Variants in FAR2 observed in about 807,000 individuals in gnomAD.
FAR2 encodes epididymis secretory protein Li 81.
A neutral mutation model predicts 56.0 loss-of-function variants in FAR2; 19 were observed. That is an observed-to-expected ratio of 0.34 (90% CI 0.24 to 0.50). The LOEUF (loss-of-function observed/expected upper bound fraction) is 0.50, where lower values mean the gene tolerates loss of function less well. Among genes scored for constraint, FAR2 ranks in the 20% least tolerant of loss-of-function variants. The pLI is 0.98. For synonymous variants in FAR2, 219 were observed against 218.8 expected, an observed-to-expected ratio of 1.00 and a Z score of -0.01; for missense variants, 508 against 642.2, an observed-to-expected ratio of 0.79 and a Z score of 2.26.
intron 1 of FAR2, among the ~76,000 whole-genome samples, chr12:29,259,646 A>T (rs1382939780): frequency 1.3e-5 from 2 of 152,132 alleles, no homozygotes; most frequent in African/African-American, 4.8e-5. Context: ...AGGAGACAAA[A>T]CTCTCTCTAT....
chr12:29,285,716 C>T (rs1282190454), intron 2 of FAR2, among the ~76,000 whole-genome samples: 2 of 152,084 alleles, frequency 1.3e-5, no homozygotes, highest in Admixed American at 1.3e-4. Context: ...GTGAGGAGAT[C>T]GAGACCATTC....
chr12:29,281,959 C>G (rs556645389), intron 2 of FAR2, among the ~76,000 whole-genome samples: 2 of 152,258 alleles, frequency 1.3e-5, no homozygotes, highest in African/African-American at 4.8e-5. Flanking sequence ...ATCTAAAACT[C>G]TTTCACCCTC....
chr12:29,219,612 A>C (rs1947661721), intron 1 of FAR2, among the ~76,000 whole-genome samples: 1 of 152,186 alleles, frequency 6.6e-6, no homozygotes, highest in South Asian at 2.1e-4. Flanking sequence ...AATGTGTTTT[A>C]ACTCTGAGTA....
chr12:29,269,199 T>G (rs921437040), intron 1 of FAR2, among the ~76,000 whole-genome samples: 1 of 152,102 alleles, frequency 6.6e-6, no homozygotes, highest in African/African-American at 2.4e-5. Context: ...AAAAGACAGG[T>G]GCACCTTGGG....
intron 10 of FAR2, among the ~76,000 whole-genome samples, chr12:29,325,376 A>C (rs1949627842): frequency 6.6e-6 from 1 of 151,990 alleles, no homozygotes; most frequent in South Asian, 2.1e-4. Context: ...CCAGGAATTG[A>C]ACTCAGCTCT....
chr12:29,217,088 A>G (rs1947630118), intron 1 of FAR2, among the ~76,000 whole-genome samples: 2 of 152,220 alleles, frequency 1.3e-5, no homozygotes, highest in African/African-American at 4.8e-5. Context: ...GTTAAAATGT[A>G]GGAGATTAGG....
At chr12:29,195,771 A>G (rs1950138769) in intron 1 of FAR2, among the ~76,000 whole-genome samples, 1 of 152,270 alleles carries the variant, frequency 6.6e-6, no homozygotes, top group Admixed American at 6.5e-5. Flanking sequence ...GATATATTGC[A>G]TAGCAGTGAG....
At chr12:29,175,315 G>A (rs1046681013) in intron 1 of FAR2, among the ~76,000 whole-genome samples, 4 of 152,172 alleles carry the variant, frequency 2.6e-5, no homozygotes, top group African/African-American at 9.7e-5. Flanking sequence ...AGCTCTTAAA[G>A]GTGGTGGGTC....
intron 2 of FAR2, among the ~76,000 whole-genome samples, chr12:29,289,399 A>T (rs1988943): frequency 0.13 from 19,890 of 152,230 alleles, 1,397 homozygotes; most frequent in Middle Eastern, 0.28. Context: ...ACACACCTAC[A>T]GTGAACTCTT....
chr12:29,273,390 G>A (rs1487283649), intron 2 of FAR2, among the ~76,000 whole-genome samples: 1 of 152,102 alleles, frequency 6.6e-6, no homozygotes, highest in Non-Finnish European at 1.5e-5. Context: ...AGGAAGGATG[G>A]GTGGGGGTTA....
rs1393875615 is a variant in FAR2 at position 29,316,893 on chromosome 12, G to A, written c.1008G>A (p.Arg336=). 1 of 1,614,060 alleles carries A rather than the reference G, an allele frequency of 6.2e-7. No individual in the cohort carries two copies. Among genetic ancestry groups the A allele is most frequent in the Non-Finnish European group, 8.5e-7 (1 of 1,179,992 alleles). The change falls in exon 9 of 12, where the codon AGG becomes AGA. Residue 336 remains arginine, a synonymous_variant. Coordinates refer to ENST00000536681, the MANE Select transcript of FAR2 (RefSeq NM_001271783.2). ...AAATCCCATTTGAGAGACCTTTCAG[G>A]AGGCCAAATGCTAATTTTACCAGCA... is the stretch of plus-strand genomic sequence containing the variant. ...FEKIPFERPF[R]RPNANFTSNS... is the part of the protein sequence containing the mutation.
intron 1 of FAR2, among the ~76,000 whole-genome samples, chr12:29,225,235 CA>C (rs1793945474): frequency 6.6e-6 from 1 of 151,796 alleles, no homozygotes; most frequent in Admixed American, 6.6e-5. Context: ...GACCCTGTCT[CA>C]ATAAATAAAT....
chr12:29,196,877 C>T (rs1370570212), intron 1 of FAR2, among the ~76,000 whole-genome samples: 1 of 152,168 alleles, frequency 6.6e-6, no homozygotes, highest in East Asian at 1.9e-4. Context: ...GGACTAATAT[C>T]TAGAATCTAC....
At chr12:29,332,479 AG>A in intron 10 of FAR2, 120 bp from the exon 11 acceptor site, 2 of 1,369,862 alleles carry the variant, frequency 1.5e-6, no homozygotes, top group East Asian at 4.6e-5. Flanking sequence ...TCCTTTGGAG[AG>A]GGTCCAACCT....
At position 29,153,423 on chromosome 12, in the gene FAR2, T is replaced by C. The variant is rs112247122; in HGVS notation, c.-39+4016T>C. ...GTCTTAAGAGAAAACGCTTGCAGCA[T>C]TCAGGGGACAGAGAGAAGGCAGGCC... On this transcript the variant is annotated intron_variant, in intron 1 of 11. Coordinates refer to ENST00000536681, the MANE Select transcript of FAR2 (RefSeq NM_001271783.2). Among the ~76,000 whole-genome samples, 1,142 of 152,218 alleles carry C rather than the reference T, an allele frequency of 7.5e-3. 18 individuals carry two copies. The highest frequency in any genetic ancestry group is 0.051 in the East Asian group (264 of 5,174).
chr12:29,265,594 A>G (rs1431141334), intron 1 of FAR2, among the ~76,000 whole-genome samples: 2 of 152,210 alleles, frequency 1.3e-5, no homozygotes, highest in African/African-American at 4.8e-5. Context: ...ACATCAGGGA[A>G]AGTCTCCAGT....
At position 29,292,423 on chromosome 12, in the gene FAR2, T is replaced by G. The variant is rs531283420; in HGVS notation, c.190-877T>G. 3 of 152,306 alleles carry G rather than the reference T, an allele frequency of 2.0e-5. No homozygotes were observed. In the South Asian group the frequency reaches 6.2e-4, roughly 32 times the overall value. 9.4% of individuals were successfully genotyped at this position (152,306 alleles called of 1,614,324 possible). On this transcript the variant is annotated intron_variant, in intron 2 of 11. Coordinates refer to ENST00000536681, the MANE Select transcript of FAR2 (RefSeq NM_001271783.2). ...CAAAAAAGAGAAAATTATACAAATT[T>G]TAGATAAGCTTACCCAAAAATATTC...
At chr12:29,319,379 A>C (rs1208766597) in intron 9 of FAR2, among the ~76,000 whole-genome samples, 1 of 152,194 alleles carries the variant, frequency 6.6e-6, no homozygotes, top group Non-Finnish European at 1.5e-5. Context: ...ACTCATAAGG[A>C]ATGACATCTT....
chr12:29,177,410 A>G (rs1192199836), intron 1 of FAR2, among the ~76,000 whole-genome samples: 1 of 152,210 alleles, frequency 6.6e-6, no homozygotes, highest in African/African-American at 2.4e-5. Context: ...ACTAGAAAGT[A>G]TTATTATAAA....
Sources: allele counts gnomAD v4.1 joint callset (sites outside exome capture counted in the v4.1 genomes callset), GRCh38; gene constraint gnomAD v4.1.1; transcripts MANE v1.5; gene names NCBI Gene and HGNC (gene_info 2026-07-23, HGNC 2026-07-21).